The following POT1 variants were observed in gnomAD, a reference collection of about 807,000 sequenced individuals.
The protein encoded by POT1 is protection of telomeres protein 1.
Under a neutral mutation model 78.5 loss-of-function variants are expected in POT1, and 47 were observed. The observed-to-expected ratio is 0.60, with a 90% CI of 0.47 to 0.76. POT1 has a LOEUF of 0.76. Ranked by LOEUF, POT1 falls within the 30% of genes least tolerant of loss-of-function variation. The probability of loss-of-function intolerance (pLI) is 0.00; values close to 1 mark genes in which losing one functional copy is unlikely to be tolerated. For missense variants in POT1, 646 were observed against 749.9 expected (o/e 0.86, Z 1.62); for synonymous variants, 259 against 260.7 (o/e 0.99, Z 0.06).
intron 9 of POT1, among the ~76,000 whole-genome samples, chr7:124,857,529 C>T (rs899855299): frequency 5.3e-5 from 8 of 152,178 alleles, no homozygotes; most frequent in African/African-American, 9.7e-5. Flanking sequence ...CAGGCTCAGC[C>T]GGCAGAGGGA....
rs551656516 is a variant in POT1, at chr7:124,837,779, C to T, written c.1370-2365G>A. Among the ~76,000 whole-genome samples the T allele has an allele frequency of 2.0e-5, 3 of 151,968 alleles. No homozygotes were observed. In the South Asian group the frequency reaches 6.2e-4, roughly 32 times the overall value. ...AATGAAGACCTATTGATCAACTTCT[C>T]TTAAGAAAACACATAAAAAAATACT... On this transcript the variant is annotated intron_variant, in intron 14 of 18. Coordinates refer to ENST00000357628, the MANE Select transcript of POT1 (RefSeq NM_015450.3).
intron 8 of POT1, among the ~76,000 whole-genome samples, chr7:124,859,944 G>A (rs965952611): frequency 2.0e-5 from 3 of 151,510 alleles, no homozygotes; most frequent in African/African-American, 4.8e-5. Context: ...GGTATACCAC[G>A]GCTACTGAAA....
At chr7:124,896,367 T>G (rs1262749149) in intron 5 of POT1, among the ~76,000 whole-genome samples, 1 of 151,744 alleles carries the variant, frequency 6.6e-6, no homozygotes, top group African/African-American at 2.4e-5. Flanking sequence ...ATAACAATTT[T>G]GGGAAATACT....
intron 7 of POT1, among the ~76,000 whole-genome samples, chr7:124,870,007 C>T (rs751973714): frequency 5.3e-5 from 8 of 152,028 alleles, no homozygotes; most frequent in African/African-American, 1.2e-4. Context: ...ACACTGTCCT[C>T]GTTTATGAGC....
At chr7:124,894,139 A>C (rs1419148218) in intron 5 of POT1, among the ~76,000 whole-genome samples, 2 of 151,640 alleles carry the variant, frequency 1.3e-5, no homozygotes, top group Non-Finnish European at 3.0e-5. Context: ...TATCACTCTG[A>C]GAGTTAAAAT....
At chr7:124,879,858 T>A (rs1253548452) in intron 6 of POT1, among the ~76,000 whole-genome samples, 1 of 152,104 alleles carries the variant, frequency 6.6e-6, no homozygotes, top group African/African-American at 2.4e-5. Flanking sequence ...TAAAAACAAA[T>A]CCCACAATAC....
At chr7:124,853,447 G>A (rs1486510973) in intron 9 of POT1, 2 of 183,984 alleles carry the variant, frequency 1.1e-5, no homozygotes. Context: ...TTGTGTCTTA[G>A]CATCAATAAA....
intron 7 of POT1, among the ~76,000 whole-genome samples, chr7:124,867,257 T>G (rs1288750447): frequency 6.6e-6 from 1 of 151,372 alleles, no homozygotes; most frequent in African/African-American, 2.4e-5. Flanking sequence ...AGAATATCTT[T>G]GCCTTCATGC....
intron 6 of POT1, among the ~76,000 whole-genome samples, chr7:124,878,598 T>C (rs1796045826): frequency 1.3e-5 from 2 of 152,198 alleles, no homozygotes; most frequent in African/African-American, 4.8e-5. Flanking sequence ...CAATATGTAT[T>C]TGTTTGCCAA....
rs1796391824 is a variant in POT1, at chr7:124,892,330, A to G, written c.60T>C (p.Gly20=). Residue 20 remains glycine, a synonymous_variant, in exon 6 of 19, where the codon GGT becomes GGC. Coordinates refer to ENST00000357628, the MANE Select transcript of POT1 (RefSeq NM_015450.3). The stretch of plus-strand genomic sequence containing the variant: ...CAACACCATAGACATTGACAATTGT[A>G]CCACCCTTAAGTTGATTCAGGGGTG... ...IYTPLNQLKG[G]TIVNVYGVVK... is the part of the protein sequence containing the mutation. 3 of 1,537,422 alleles carry G rather than the reference A, an allele frequency of 2.0e-6. No homozygotes were observed. The South Asian group carries it at 3.8e-5, about 20-fold the overall frequency.
At chr7:124,885,621 C>T (rs1796226060) in intron 6 of POT1, among the ~76,000 whole-genome samples, 1 of 151,874 alleles carries the variant, frequency 6.6e-6, no homozygotes, top group African/African-American at 2.4e-5. Context: ...AAAAAATTAG[C>T]CAGGCGTGGT....
chr7:124,835,486 C>T (rs971315405), intron 14 of POT1, 72 bp from the exon 15 acceptor site: 14 of 1,472,014 alleles, frequency 9.5e-6, no homozygotes, highest in Middle Eastern at 3.5e-4. Context: ...TATTAAATAA[C>T]GTGTGAGGTA....
rs776107082 is a variant in POT1, at chr7:124,822,869, T to C, written c.*1093A>G. 14 of 183,988 alleles carry C rather than the reference T, an allele frequency of 7.6e-5. No individual in the cohort carries two copies. The highest frequency in any genetic ancestry group is 1.4e-4 in the African/African-American group (6 of 43,134). 11.4% of individuals were successfully genotyped at this position (183,988 alleles called of 1,614,324 possible). A position where few individuals can be genotyped will look rare whatever the true frequency, so the allele number is the denominator to read the frequency against. ...AGATGTTAAAAGTATTTTGAAACTA[T>C]AGAAAAACACACTGACTCCTCTTAT... On this transcript the variant is annotated 3_prime_UTR_variant, in exon 19 of 19. Transcript: ENST00000357628.
intron 6 of POT1, among the ~76,000 whole-genome samples, chr7:124,886,239 T>C (rs78820681): frequency 0.02 from 3,104 of 152,324 alleles, 97 homozygotes; most frequent in African/African-American, 0.069. Flanking sequence ...TTTTTCCATC[T>C]ACCTAAATGT....
At chr7:124,880,128 A>G (rs1243847001) in intron 6 of POT1, among the ~76,000 whole-genome samples, 1 of 152,046 alleles carries the variant, frequency 6.6e-6, no homozygotes, top group East Asian at 1.9e-4. Context: ...TAATTAAGCA[A>G]TTTCACAGTG....
chr7:124,918,763 G>A (rs561248536), intron 2 of POT1, among the ~76,000 whole-genome samples: 148 of 152,132 alleles, frequency 9.7e-4, no homozygotes, highest in South Asian at 7.7e-3. Context: ...TCCAAATGAC[G>A]TATTTACATT....
At chr7:124,846,901 C>A (rs371329583) in intron 12 of POT1, 41 bp downstream of exon 12, 2 of 1,389,158 alleles carry the variant, frequency 1.4e-6, no homozygotes, top group Non-Finnish European at 1.0e-6. Context: ...CTTTATTATG[C>A]TCATTACTGT....
At chr7:124,831,717 A>G (rs1409172042) in intron 15 of POT1, among the ~76,000 whole-genome samples, 1 of 152,166 alleles carries the variant, frequency 6.6e-6, no homozygotes, top group Non-Finnish European at 1.5e-5. Context: ...TAAATAATCT[A>G]AATCTACATG....
intron 2 of POT1, among the ~76,000 whole-genome samples, chr7:124,916,727 A>G (rs1350402131): frequency 6.6e-6 from 1 of 152,208 alleles, no homozygotes; most frequent in Non-Finnish European, 1.5e-5. Context: ...AGAAAAATTC[A>G]TCTAACACTT....
Sources: allele counts gnomAD v4.1 joint callset (sites outside exome capture counted in the v4.1 genomes callset), GRCh38; gene constraint gnomAD v4.1.1; transcripts MANE v1.5; gene names NCBI Gene and HGNC (gene_info 2026-07-23, HGNC 2026-07-21).